MDN1: variants seen among roughly 807,000 people sequenced by gnomAD.
MDN1 encodes midasin AAA ATPase 1, also known as midasin.
Under a neutral mutation model 669.2 loss-of-function variants are expected in MDN1, and 266 were observed. The ratio of observed to expected loss-of-function variants is 0.40; its 90% CI spans 0.36 to 0.44. MDN1 has a LOEUF of 0.44. MDN1 is among the 20% of genes least tolerant of loss of function. The pLI is 1.00. For missense variants in MDN1, 5,940 were observed against 6,754.0 expected (o/e 0.88, Z 4.22); for synonymous variants, 2,385 against 2,457.1 (o/e 0.97, Z 0.87).
At chr6:89,697,605 A>G (rs891120585) in intron 59 of MDN1, among the ~76,000 whole-genome samples, 1 of 150,970 alleles carries the variant, frequency 6.6e-6, no homozygotes. Context: ...TTTTTGAGAC[A>G]GGGTCTCACT....
At chr6:89,647,738 T>G (rs765089046) in intron 99 of MDN1, among the ~76,000 whole-genome samples, 2 of 152,156 alleles carry the variant, frequency 1.3e-5, no homozygotes, top group African/African-American at 2.4e-5. Flanking sequence ...GAGGATCACT[T>G]GAACCCAGGA....
Position 89,776,622 on chromosome 6 carries a change from T to C in MDN1, c.1799A>G (p.Lys600Arg), listed in dbSNP as rs756497236. 16 of 1,611,822 alleles carry C rather than the reference T, an allele frequency of 9.9e-6. No individual in the cohort carries two copies. Among genetic ancestry groups the C allele is most frequent in the Non-Finnish European group, 5.9e-6 (7 of 1,178,094 alleles). ...TACCTTTTTTCTAGAAATGTTCAAT[T>C]TGCTTCCAATAACTTCTGCCATTTT... ...KLKMAEVIGSKLNISRKKAEF... is the reference protein window; with the variant it reads ...KLKMAEVIGSRLNISRKKAEF... The change falls in exon 12 of 102, where the codon AAA becomes AGA. Residue 600 changes from lysine to arginine, a missense_variant. Physicochemically the swap from Lys to Arg is conservative, Grantham distance 26. Coordinates refer to ENST00000369393, the MANE Select transcript of MDN1 (RefSeq NM_014611.3).
chr6:89,723,687 C>G lies in MDN1; in HGVS notation c.5671-68G>C, dbSNP rs73492562. 3.4e-3 allele frequency: 2,888 copies of G among 844,232 alleles called. 73 individuals carry two copies. The African/African-American group carries it at 0.047, about 14-fold the overall frequency. 52.3% of individuals were successfully genotyped at this position (844,232 alleles called of 1,614,324 possible). A position where few individuals can be genotyped will look rare whatever the true frequency, so the allele number is the denominator to read the frequency against. ...TTTACCAAACACTAGAAATGACTACCATGTCTTATTATGCAAAATCTTTAA... is the reference window on the plus strand; with the variant it reads ...TTTACCAAACACTAGAAATGACTACGATGTCTTATTATGCAAAATCTTTAA... On this transcript the variant is annotated intron_variant, in intron 38 of 101. Transcript: ENST00000369393.
intron 9 of MDN1, among the ~76,000 whole-genome samples, chr6:89,784,700 A>G (rs1818861467): frequency 6.6e-6 from 1 of 152,234 alleles, no homozygotes; most frequent in East Asian, 1.9e-4. Context: ...TCTGTAGACA[A>G]CTGGGAAAAT....
At chr6:89,737,921 G>A (rs1013253440) in intron 33 of MDN1, among the ~76,000 whole-genome samples, 5 of 151,782 alleles carry the variant, frequency 3.3e-5, no homozygotes, top group African/African-American at 4.8e-5. Flanking sequence ...ATGGGTTTTC[G>A]CCATGTTGGC....
intron 84 of MDN1, among the ~76,000 whole-genome samples, chr6:89,666,632 C>T (rs1447161254): frequency 6.6e-6 from 1 of 152,176 alleles, no homozygotes; most frequent in Non-Finnish European, 1.5e-5. Context: ...CACACCCAGC[C>T]TGTAAAACAC....
At chr6:89,711,960 C>A (rs1813962778) in intron 49 of MDN1, 76 bp downstream of exon 49, 3 of 1,303,922 alleles carry the variant, frequency 2.3e-6, no homozygotes, top group African/African-American at 1.5e-5. Flanking sequence ...CACAGATTAA[C>A]ACAGCTGCTG....
chr6:89,788,026 A>C, intron 7 of MDN1, 69 bp from the exon 8 acceptor site: 2 of 1,324,066 alleles, frequency 1.5e-6, no homozygotes. Flanking sequence ...AAAACAAAAC[A>C]ACCCTCTCTC....
At position 89,687,240 on chromosome 6, in the gene MDN1, C is replaced by T. The variant is rs940682351; in HGVS notation, c.11450+104G>A. 13 of 1,211,040 alleles carry T rather than the reference C, an allele frequency of 1.1e-5. No individual in the cohort carries two copies. In the Admixed American group the frequency reaches 2.8e-4, roughly 26 times the overall value. 75.0% of individuals were successfully genotyped at this position (1,211,040 alleles called of 1,614,324 possible). A position where few individuals can be genotyped will look rare whatever the true frequency, so the allele number is the denominator to read the frequency against. Reference sequence around the variant, plus strand: ...CTCTGTGATTAATAACTGAAAAGCACATTCTGTAGCTGTAATACTATATAA... The same window carrying T: ...CTCTGTGATTAATAACTGAAAAGCATATTCTGTAGCTGTAATACTATATAA... On this transcript the variant is annotated intron_variant, in intron 68 of 101. Coordinates refer to ENST00000369393, the MANE Select transcript of MDN1 (RefSeq NM_014611.3).
At position 89,738,458 on chromosome 6, in the gene MDN1, A is replaced by G. The variant is rs1816117435; in HGVS notation, c.4594-3T>C. 1.9e-6 allele frequency: 3 copies of G among 1,612,990 alleles called. No homozygotes were observed. The highest frequency in any genetic ancestry group is 1.3e-5 in the African/African-American group (1 of 74,994). ...CGGTTTCTTAAGGCAGGAGACAGCT[A>G]TAAGAAACACAAAACTTCAATGTGA... On this transcript the variant is annotated splice_polypyrimidine_tract_variant and splice_region_variant and intron_variant, in intron 32 of 101. Coordinates refer to ENST00000369393, the MANE Select transcript of MDN1 (RefSeq NM_014611.3).
At chr6:89,724,386 G>A (rs1431814472) in intron 38 of MDN1, among the ~76,000 whole-genome samples, 1 of 152,010 alleles carries the variant, frequency 6.6e-6, no homozygotes, top group Non-Finnish European at 1.5e-5. Context: ...GGGTTCAAGA[G>A]ATTCTGCTGC....
Position 89,740,417 on chromosome 6 carries a change from C to T in MDN1, c.4449-39G>A, listed in dbSNP as rs760850083. 5 of 1,519,722 alleles carry T rather than the reference C, an allele frequency of 3.3e-6. No individual in the cohort carries two copies. In the Admixed American group the frequency reaches 7.6e-5, roughly 23 times the overall value. 94.1% of individuals were successfully genotyped at this position (1,519,722 alleles called of 1,614,324 possible). A position where few individuals can be genotyped will look rare whatever the true frequency, so the allele number is the denominator to read the frequency against. ...TGAAGAACAGTGAAAAGGGCTTATACAATCTTTCTGTTTTACAATCTTCAA... is the reference window on the plus strand; with the variant it reads ...TGAAGAACAGTGAAAAGGGCTTATATAATCTTTCTGTTTTACAATCTTCAA... On this transcript the variant is annotated intron_variant, in intron 31 of 101. Transcript: ENST00000369393.
Position 89,749,596 on chromosome 6 carries a change from G to A in MDN1, c.3562C>T (p.Arg1188Trp), listed in dbSNP as rs141747623. 13 of 1,614,040 alleles carry A rather than the reference G, an allele frequency of 8.1e-6. No individual in the cohort carries two copies. The highest frequency in any genetic ancestry group is 4.5e-5 in the East Asian group (2 of 44,888). Reference protein sequence around the residue: ...ETQEVVKAHPRFMLFATQNPP... With the variant: ...ETQEVVKAHPWFMLFATQNPP... ...TTTTGGGTGGCAAAAAGCATAAACC[G>A]AGGGTGTGCTTTAACAACTTCCTGT... The change falls in exon 25 of 102, where the codon CGG (arginine) becomes TGG (tryptophan). Residue 1188 changes from arginine (R) to tryptophan (W), a missense_variant. By Grantham distance (101) the Arg-to-Trp change is moderately radical. This residue lies in a region of MDN1 where 2,292 missense variants were observed against 2,638.3 expected (regional missense o/e 0.87). Coordinates refer to ENST00000369393, the MANE Select transcript of MDN1 (RefSeq NM_014611.3).
rs745617924 is a variant in MDN1 at position 89,701,666 on chromosome 6, T to G, written c.8319A>C (p.Glu2773Asp). The G allele has an allele frequency of 1.9e-6, 3 of 1,613,744 alleles. No homozygotes were observed. In the African/African-American group the frequency reaches 4.0e-5, roughly 22 times the overall value. The change falls in exon 55 of 102, where the codon GAA becomes GAC. Residue 2773 changes from glutamate to aspartate, a missense_variant. Physicochemically the swap from Glu to Asp is conservative, Grantham distance 45. Around this residue, in one of 5 missense-constraint regions of MDN1, gnomAD observed 2,292 missense variants for 2,638.3 expected, o/e 0.87. Transcript: ENST00000369393. ...LMNYEDKYYK[E>D]VQTVSEHIQN... is the part of the protein sequence containing the mutation. Reference sequence around the variant, plus strand: ...GAATATGTTCTGAGACAGTCTGAACTTCTTTGTAATATCTTTAAAGGAGAA... The same window carrying G: ...GAATATGTTCTGAGACAGTCTGAACGTCTTTGTAATATCTTTAAAGGAGAA...
chr6:89,745,134 T>TAAAAAAAAAAAAAAAAAAAAAAAAAAAAA, intron 29 of MDN1, 139 bp downstream of exon 29: 1 of 282,344 alleles, frequency 3.5e-6, no homozygotes, highest in Admixed American at 1.3e-4. Flanking sequence ...AGTCTCTTCT[T>TAAAAAAAAAAAAAAAAAAAAAAAAAAAAA]AAAAAAAAAA....
At chr6:89,681,991 C>A (rs1811641967) in intron 73 of MDN1, among the ~76,000 whole-genome samples, 1 of 152,168 alleles carries the variant, frequency 6.6e-6, no homozygotes, top group South Asian at 2.1e-4. Context: ...AATCCTGGAG[C>A]TCCCCACACC....
Position 89,735,563 on chromosome 6 carries a change from A to G in MDN1, c.4723+2763T>C, listed in dbSNP as rs533754937. ...TTTTAGAATCTTTTGTTTTGGTCAT[A>G]CTGTGAATATATGGATAATATTACT... On this transcript the variant is annotated intron_variant, in intron 33 of 101. Coordinates refer to ENST00000369393, the MANE Select transcript of MDN1 (RefSeq NM_014611.3). 3.9e-3 allele frequency among the ~76,000 whole-genome samples: 598 copies of G among 152,092 alleles called. 4 individuals are homozygous for G. The highest frequency in any genetic ancestry group is 6.2e-3 in the Non-Finnish European group (421 of 67,990).
chr6:89,690,075 C>T lies in MDN1; in HGVS notation c.10818G>A (p.Glu3606=). Residue 3606 remains glutamate, a synonymous_variant, in exon 65 of 102, where the codon GAG becomes GAA. Coordinates refer to ENST00000369393, the MANE Select transcript of MDN1 (RefSeq NM_014611.3). ...ENKGTSDGQE[E]EAGTNPALLS... Reference sequence around the variant, plus strand: ...GGAGAGCTGGGTTTGTGCCTGCTTCCTCTTCTTGCCCATCTGAAGTTCCTT... The same window carrying T: ...GGAGAGCTGGGTTTGTGCCTGCTTCTTCTTCTTGCCCATCTGAAGTTCCTT... 6.2e-7 allele frequency: 1 copy of T among 1,614,178 alleles called. No homozygotes were observed.
intron 2 of MDN1, among the ~76,000 whole-genome samples, chr6:89,800,992 CTTT>C (rs1767618400): frequency 6.6e-6 from 1 of 152,106 alleles, no homozygotes; most frequent in African/African-American, 2.4e-5. Context: ...TTTTTTTCTT[CTTT>C]ACTAGTCCAG....
Sources: allele counts gnomAD v4.1 joint callset (sites outside exome capture counted in the v4.1 genomes callset), GRCh38; gene constraint gnomAD v4.1.1; regional missense constraint gnomAD v4.1.1; transcripts MANE v1.5; gene names NCBI Gene and HGNC (gene_info 2026-07-23, HGNC 2026-07-21).